Variants in ENTREP2 observed in about 807,000 individuals in gnomAD.
The protein encoded by ENTREP2 is protein ENTREP2.
the ENTREP2 span, among the ~76,000 whole-genome samples, chr15:29,549,274 C>CTTTTT: frequency 2.6e-4 from 38 of 145,082 alleles, 1 homozygote; most frequent in African/African-American, 8.1e-4. Context: ...ATTTGTTATA[C>CTTTTT]ATTTTTTTTT....
the ENTREP2 span, among the ~76,000 whole-genome samples, chr15:29,176,471 G>C: frequency 6.6e-6 from 1 of 152,270 alleles, no homozygotes; most frequent in East Asian, 1.9e-4. Flanking sequence ...GTTGGAAGTG[G>C]GAAGAGGCCA....
At chr15:29,254,969 G>A in the ENTREP2 span, among the ~76,000 whole-genome samples, 1 of 152,160 alleles carries the variant, frequency 6.6e-6, no homozygotes, top group Non-Finnish European at 1.5e-5. Context: ...GTCATTATGA[G>A]CCAAGAACTT....
At chr15:29,412,489 A>C in the ENTREP2 span, among the ~76,000 whole-genome samples, 1 of 152,106 alleles carries the variant, frequency 6.6e-6, no homozygotes, top group Admixed American at 6.5e-5. Flanking sequence ...TTTTAAAGGG[A>C]ATACTTTCAA....
chr15:29,630,681 CTATT>C, the ENTREP2 span, among the ~76,000 whole-genome samples: 162 of 152,100 alleles, frequency 1.1e-3, no homozygotes, highest in East Asian at 4.8e-3. Flanking sequence ...GCTATTTTCT[CTATT>C]TATTTATTTA....
At chr15:29,654,358 G>A in the ENTREP2 span, among the ~76,000 whole-genome samples, 1 of 152,162 alleles carries the variant, frequency 6.6e-6, no homozygotes, top group Non-Finnish European at 1.5e-5. Flanking sequence ...ATTGAGGAAG[G>A]CAAACATGTT....
chr15:29,349,342 G>A, the ENTREP2 span, among the ~76,000 whole-genome samples: 15 of 152,202 alleles, frequency 9.9e-5, 1 homozygote, highest in Admixed American at 7.2e-4. Context: ...CATATCTGCT[G>A]AAACAAACAG....
the ENTREP2 span, among the ~76,000 whole-genome samples, chr15:29,437,221 T>G: frequency 6.6e-6 from 1 of 152,168 alleles, no homozygotes; most frequent in African/African-American, 2.4e-5. Flanking sequence ...TCTTAAAGCC[T>G]AAAGTCTACA....
chr15:29,538,611 G>A, the ENTREP2 span, among the ~76,000 whole-genome samples: 3 of 142,798 alleles, frequency 2.1e-5, no homozygotes, highest in South Asian at 2.2e-4. Context: ...TGGCTAACAC[G>A]GTGAAACCCC....
chr15:29,269,598 G>A, the ENTREP2 span: 3 of 1,555,650 alleles, frequency 1.9e-6, no homozygotes, highest in East Asian at 7.7e-5. Context: ...TGAGAACCCG[G>A]GCGTCTTCCC....
At chr15:29,415,968 T>C in the ENTREP2 span, among the ~76,000 whole-genome samples, 5 of 152,222 alleles carry the variant, frequency 3.3e-5, no homozygotes, top group East Asian at 3.9e-4. Flanking sequence ...CAAGGACAAC[T>C]ACAAGCCACT....
chr15:29,341,604 C>G, the ENTREP2 span, among the ~76,000 whole-genome samples: 1 of 152,296 alleles, frequency 6.6e-6, no homozygotes, highest in African/African-American at 2.4e-5. Flanking sequence ...CAGACAGGAC[C>G]CCTGCCCCTT....
chr15:29,332,970 A>C, the ENTREP2 span, among the ~76,000 whole-genome samples: 5 of 152,026 alleles, frequency 3.3e-5, no homozygotes, highest in South Asian at 2.1e-4. Context: ...AAAAAAAAAA[A>C]AAAAAAAACC....
chr15:29,470,072 T>C, the ENTREP2 span, among the ~76,000 whole-genome samples: 1 of 152,208 alleles, frequency 6.6e-6, no homozygotes, highest in Non-Finnish European at 1.5e-5. Context: ...GCAGAATAGA[T>C]TTCTTTAAAT....
the ENTREP2 span, among the ~76,000 whole-genome samples, chr15:29,482,086 A>G: frequency 6.6e-6 from 1 of 151,520 alleles, no homozygotes; most frequent in African/African-American, 2.4e-5. Flanking sequence ...CAATCTACAC[A>G]TTCCAGGTTC....
chr15:29,545,068 C>CA, the ENTREP2 span, among the ~76,000 whole-genome samples: 1 of 152,304 alleles, frequency 6.6e-6, no homozygotes, highest in Non-Finnish European at 1.5e-5. Flanking sequence ...CTAAGCTCCA[C>CA]AATTAAGTAA....
At chr15:29,173,062 C>A in the ENTREP2 span, among the ~76,000 whole-genome samples, 1 of 152,214 alleles carries the variant, frequency 6.6e-6, no homozygotes, top group Admixed American at 6.5e-5. Flanking sequence ...GCAGACCAGC[C>A]CCCAAGTACA....
At chr15:29,655,532 A>G in the ENTREP2 span, among the ~76,000 whole-genome samples, 2 of 152,198 alleles carry the variant, frequency 1.3e-5, no homozygotes, top group Non-Finnish European at 2.9e-5. Context: ...ATCCCCAGTC[A>G]AAGAGAGCAA....
chr15:29,198,198 C>T, the ENTREP2 span, among the ~76,000 whole-genome samples: 2 of 152,168 alleles, frequency 1.3e-5, no homozygotes, highest in East Asian at 3.9e-4. Context: ...TGTCAGCTTG[C>T]AGCTTCTGAA....
chr15:29,665,521 C>T, the ENTREP2 span, among the ~76,000 whole-genome samples: 25 of 152,280 alleles, frequency 1.6e-4, no homozygotes, highest in Non-Finnish European at 8.8e-5. Context: ...ACCCTTACAC[C>T]CCTCTGAATC....
Sources: allele counts gnomAD v4.1 joint callset (sites outside exome capture counted in the v4.1 genomes callset), GRCh38; gene constraint gnomAD v4.1.1; transcripts MANE v1.5; gene names NCBI Gene and HGNC (gene_info 2026-07-23, HGNC 2026-07-21).